Variants in IQSEC2 observed in about 807,000 individuals in gnomAD.
IQSEC2 encodes the protein IQ motif and Sec7 domain ArfGEF 2.
Under a neutral mutation model 74.6 loss-of-function variants are expected in IQSEC2, and 6 were observed. That is an observed-to-expected ratio of 0.08 (90% CI 0.04 to 0.16). The LOEUF is 0.16. IQSEC2 is among the 10% of genes least tolerant of loss of function. The probability of loss-of-function intolerance (pLI) is 1.00; values close to 1 mark genes in which losing one functional copy is unlikely to be tolerated. For missense variants in IQSEC2, 734 were observed against 1,306.2 expected (o/e 0.56, Z 6.75); for synonymous variants, 494 against 544.5 (o/e 0.91, Z 1.29).
intron 1 of IQSEC2, among the ~76,000 whole-genome samples, chrX:53,293,653 C>T (rs2075123826): frequency 9.0e-6 from 1 of 111,067 alleles, no homozygotes; most frequent in South Asian, 3.8e-4. Flanking sequence ...AGACCGATCT[C>T]TTCACCACCC....
chrX:53,249,204 C>A (rs2074349873), intron 5 of IQSEC2, among the ~76,000 whole-genome samples: 1 of 111,699 alleles, frequency 9.0e-6, no homozygotes, highest in Non-Finnish European at 1.9e-5. Context: ...ACATTCCCAG[C>A]AAGAACCGAG....
At chrX:53,311,700 G>A (rs2075323673) in intron 1 of IQSEC2, among the ~76,000 whole-genome samples, 1 of 112,053 alleles carries the variant, frequency 8.9e-6, no homozygotes, top group Non-Finnish European at 1.9e-5. Flanking sequence ...TGGCTCACCT[G>A]AGGTCAGGAG....
chrX:53,281,646 G>C (rs1369643234), intron 2 of IQSEC2: 5 of 833,059 alleles, frequency 6.0e-6, no homozygotes, highest in Non-Finnish European at 8.1e-6. Flanking sequence ...GGCCAGCTGG[G>C]CTGCGGGCCA....
At chrX:53,306,800 A>C (rs1437287663) in intron 1 of IQSEC2, among the ~76,000 whole-genome samples, 1 of 111,012 alleles carries the variant, frequency 9.0e-6, no homozygotes, top group Non-Finnish European at 1.9e-5. Flanking sequence ...AAAAACAAAC[A>C]GCAGGGTGTT....
rs958515225 is a variant in IQSEC2 at position 53,320,619 on chromosome X, C to G, written c.505G>C (p.Glu169Gln). Reference protein sequence around the residue: ...LHHENPALGRERGGREAGPAH... With the variant: ...LHHENPALGRQRGGREAGPAH... ...GGCCCGGCCTCCCGCCCGCCACGCT[C>G]GCGACCCAGGGCTGGGTTCTCGTGG... The change falls in exon 1 of 15, where the codon GAG becomes CAG. Residue 169 changes from glutamate (E) to glutamine (Q), a missense_variant. Around this residue, in one of 12 missense-constraint regions of IQSEC2, gnomAD observed 134 missense variants for 214.9 expected, o/e 0.62. Coordinates refer to ENST00000642864, the MANE Select transcript of IQSEC2 (RefSeq NM_001111125.3). 5 of 1,152,250 alleles carry G rather than the reference C, an allele frequency of 4.3e-6. No individual in the cohort carries two copies. The highest frequency in any genetic ancestry group is 2.7e-4 in the Middle Eastern group (1 of 3,654). The allele number at this position is 1,152,250 out of a possible 1,213,427, so 95.0% of individuals were successfully genotyped here. A position where few individuals can be genotyped will look rare whatever the true frequency, so the allele number is the denominator to read the frequency against.
At chrX:53,272,670 C>T (rs782406429) in intron 2 of IQSEC2, among the ~76,000 whole-genome samples, 1 of 111,364 alleles carries the variant, frequency 9.0e-6, no homozygotes, top group Non-Finnish European at 1.9e-5. Flanking sequence ...ACTTGGAATC[C>T]CTTTCCCAGG....
At chrX:53,243,910 A>G (rs1447370549) in intron 8 of IQSEC2, among the ~76,000 whole-genome samples, 2 of 112,130 alleles carry the variant, frequency 1.8e-5, no homozygotes, top group African/African-American at 6.5e-5. Context: ...AAATATGTGC[A>G]AGAGGTATGT....
intron 2 of IQSEC2, among the ~76,000 whole-genome samples, chrX:53,267,378 T>C (rs2074676882): frequency 1.8e-5 from 2 of 112,062 alleles, no homozygotes; most frequent in Non-Finnish European, 3.8e-5. Context: ...AGCAACCTGC[T>C]CTCATTTTGC....
At chrX:53,256,878 G>A (rs962413441) in intron 2 of IQSEC2, among the ~76,000 whole-genome samples, 1 of 112,470 alleles carries the variant, frequency 8.9e-6, no homozygotes, top group Non-Finnish European at 1.9e-5. Flanking sequence ...CGTGGCAGGA[G>A]CTGGGCCCCG....
At chrX:53,301,145 C>T (rs2075207075) in intron 1 of IQSEC2, among the ~76,000 whole-genome samples, 1 of 112,031 alleles carries the variant, frequency 8.9e-6, no homozygotes, top group African/African-American at 3.2e-5. Flanking sequence ...GGTTAAGTAG[C>T]CTGAGAGTAC....
intron 4 of IQSEC2, 52 bp from the exon 5 acceptor site, chrX:53,251,226 TA>T: frequency 1.8e-6 from 2 of 1,131,835 alleles, no homozygotes; most frequent in Non-Finnish European, 2.4e-6. Context: ...GAAAGAAAGA[TA>T]AAGGGAAGAA....
In IQSEC2 at chrX:53,297,411, C is replaced by T. The variant is rs1169417384; in HGVS notation, c.708-5487G>A. 2.7e-5 allele frequency among the ~76,000 whole-genome samples: 3 copies of T among 110,258 alleles called. No homozygotes were observed. The East Asian group carries it at 8.7e-4, about 32-fold the overall frequency. On this transcript the variant is annotated intron_variant, in intron 1 of 14. Transcript: ENST00000642864. ...ACACAATCACAGCTCACTGCAGCCT[C>T]AACTTCCTGGGCTCAAGTGATCCTC...
At chrX:53,257,522 C>G (rs1425208600) in intron 2 of IQSEC2, among the ~76,000 whole-genome samples, 2 of 111,475 alleles carry the variant, frequency 1.8e-5, no homozygotes, top group Non-Finnish European at 3.8e-5. Context: ...AGCCCACCCC[C>G]GGCATCCAAG....
intron 8 of IQSEC2, among the ~76,000 whole-genome samples, chrX:53,245,546 G>A (rs1569298826): frequency 1.8e-5 from 2 of 111,359 alleles, no homozygotes; most frequent in African/African-American, 3.3e-5. Context: ...ATACTACATC[G>A]CACTGACTTT....
At chrX:53,238,952 G>A (rs1294562998) in intron 11 of IQSEC2, among the ~76,000 whole-genome samples, 1 of 111,069 alleles carries the variant, frequency 9.0e-6, no homozygotes, top group Non-Finnish European at 1.9e-5. Context: ...CATGATCACC[G>A]TCTCTTTGGC....
chrX:53,274,098 C>A (rs1329834381), intron 2 of IQSEC2, among the ~76,000 whole-genome samples: 1 of 112,323 alleles, frequency 8.9e-6, no homozygotes, highest in African/African-American at 3.2e-5. Flanking sequence ...ATATATCATG[C>A]ACCTTTTAGT....
chrX:53,239,278 T>A lies in IQSEC2; in HGVS notation c.3032A>T (p.Gln1011Leu). 1 of 1,205,815 alleles carries A rather than the reference T, an allele frequency of 8.3e-7. No individual in the cohort carries two copies. Among genetic ancestry groups the A allele is most frequent in the Non-Finnish European group, 1.1e-6 (1 of 890,714 alleles). The change falls in exon 11 of 15, where the codon CAG becomes CTG. Residue 1011 changes from glutamine to leucine, a missense_variant. By Grantham distance (113) the Gln-to-Leu change is moderately radical. Coordinates refer to ENST00000642864, the MANE Select transcript of IQSEC2 (RefSeq NM_001111125.3). ...NDLLVVTKIF[Q>L]KKKILVTYSF... Reference sequence around the variant, plus strand: ...GTACGTCACCAAGATCTTCTTCTTCTGGAAAATTTTGGTGACCTTTGGCAG... The same window carrying A: ...GTACGTCACCAAGATCTTCTTCTTCAGGAAAATTTTGGTGACCTTTGGCAG...
At chrX:53,310,261 G>A (rs972694273) in intron 1 of IQSEC2, among the ~76,000 whole-genome samples, 3 of 110,616 alleles carry the variant, frequency 2.7e-5, no homozygotes, top group Non-Finnish European at 5.7e-5. Context: ...GTGCATGTCT[G>A]TGGTCCAAGC....
At chrX:53,237,562 T>C (rs1412402223) in intron 12 of IQSEC2, 2 of 117,746 alleles carry the variant, frequency 1.7e-5, no homozygotes, top group Non-Finnish European at 3.6e-5. Flanking sequence ...TATTTTCCAT[T>C]ATATATATAT....
Sources: gnomAD v4.1 joint callset for allele counts (sites outside exome capture counted in the v4.1 genomes callset) on GRCh38, gnomAD v4.1.1 for gene constraint, gnomAD v4.1.1 regional missense constraint, MANE v1.5 for transcripts, NCBI Gene and HGNC (gene_info 2026-07-23, HGNC 2026-07-21) for gene names.